The following NBL1 variants were observed in gnomAD, a reference collection of about 807,000 sequenced individuals.
The protein encoded by NBL1 is neuroblastoma suppressor of tumorigenicity 1.
Under a neutral mutation model 16.0 loss-of-function variants are expected in NBL1, and 9 were observed. The ratio of observed to expected loss-of-function variants is 0.56; its 90% confidence interval spans 0.34 to 0.98. The LOEUF (loss-of-function observed/expected upper bound fraction) is 0.98. NBL1 is among the 50% of genes least tolerant of loss of function. The pLI is 0.02. For missense variants in NBL1, 196 were observed against 243.1 expected (o/e 0.81, Z 1.29); for synonymous variants, 86 against 100.7 (o/e 0.85, Z 0.87).
rs556922424 is a variant in NBL1 at position 19,649,647 on chromosome 1, T to A, written c.-20+5201T>A. On this transcript the variant is annotated intron_variant, in intron 1 of 3. Transcript: ENST00000375136. ...TGCTGGGATTACAGGCGTGAGCCAC[T>A]GCGCCTGGCCTCCCATAGAATTATA... 3.1e-3 allele frequency among the ~76,000 whole-genome samples: 471 copies of A among 151,540 alleles called. 1 individual carries two copies. Among genetic ancestry groups the A allele is most frequent in the Non-Finnish European group, 5.5e-3 (375 of 67,874 alleles).
chr1:19,647,851 G>GT (rs2094991172), intron 1 of NBL1, among the ~76,000 whole-genome samples: 1 of 129,324 alleles, frequency 7.7e-6, no homozygotes, highest in African/African-American at 4.1e-5. Context: ...GAAAGGCCTG[G>GT]TGTGTGTGTG....
chr1:19,656,629 A>G (rs1055159996), intron 3 of NBL1, among the ~76,000 whole-genome samples: 1 of 151,958 alleles, frequency 6.6e-6, no homozygotes, highest in Non-Finnish European at 1.5e-5. Flanking sequence ...GGCAGGCCAC[A>G]CTGGTGGCTG....
intron 1 of NBL1, among the ~76,000 whole-genome samples, chr1:19,652,646 C>G (rs1348119435): frequency 6.6e-6 from 1 of 152,152 alleles, no homozygotes; most frequent in East Asian, 1.9e-4. Flanking sequence ...AGGAGCCCCA[C>G]TCAGCCAGCC....
At chr1:19,648,227 C>T (rs2094996273) in intron 1 of NBL1, among the ~76,000 whole-genome samples, 1 of 152,100 alleles carries the variant, frequency 6.6e-6, no homozygotes, top group South Asian at 2.1e-4. Context: ...CTAGGCCACT[C>T]CTGTGTATTT....
At chr1:19,651,219 C>T (rs1034137791) in intron 1 of NBL1, among the ~76,000 whole-genome samples, 45 of 152,306 alleles carry the variant, frequency 3.0e-4, no homozygotes, top group African/African-American at 1.0e-3. Flanking sequence ...CCAGGGTCCA[C>T]GCTTCCAGGG....
At chr1:19,651,131 C>G (rs765745851) in intron 1 of NBL1, among the ~76,000 whole-genome samples, 37 of 151,850 alleles carry the variant, frequency 2.4e-4, no homozygotes, top group Middle Eastern at 6.8e-3. Context: ...TTGAGAAAGG[C>G]AGTTTCTGAG....
chr1:19,655,841 A>C (rs573163840), intron 3 of NBL1, among the ~76,000 whole-genome samples: 53 of 152,174 alleles, frequency 3.5e-4, no homozygotes, highest in South Asian at 6.2e-4. Context: ...ACCTTCTTTC[A>C]GTGCCTCGCA....
rs575814344 is a variant in NBL1 at position 19,654,528 on chromosome 1, G to A, written c.-19-484G>A. On this transcript the variant is annotated intron_variant, in intron 1 of 3. Coordinates refer to ENST00000375136, the MANE Select transcript of NBL1 (RefSeq NM_005380.8). Reference sequence around the variant, plus strand: ...ATGGTGTGTGGCCAGCCCCTCCAGGGCTGTGTGGACAGCTTTTTGTGTATT... The same window carrying A: ...ATGGTGTGTGGCCAGCCCCTCCAGGACTGTGTGGACAGCTTTTTGTGTATT... Among the ~76,000 whole-genome samples the A allele has an allele frequency of 3.3e-5, 5 of 152,280 alleles. No homozygotes were observed. The South Asian group carries it at 1.0e-3, about 32-fold the overall frequency.
At chr1:19,653,695 C>A (rs1458183217) in intron 1 of NBL1, among the ~76,000 whole-genome samples, 3 of 152,258 alleles carry the variant, frequency 2.0e-5, no homozygotes, top group African/African-American at 7.2e-5. Context: ...GACCCATGCC[C>A]TTTCTCGGCT....
chr1:19,650,235 C>T (rs1394818767), intron 1 of NBL1, among the ~76,000 whole-genome samples: 2 of 152,206 alleles, frequency 1.3e-5, no homozygotes, highest in African/African-American at 4.8e-5. Context: ...ACTCTATCAC[C>T]TAATGGCACA....
Position 19,657,069 on chromosome 1 carries a change from C to T in NBL1, c.486C>T (p.Thr162=). 6.5e-7 allele frequency: 1 copy of T among 1,537,338 alleles called. No homozygotes were observed. The highest frequency in any genetic ancestry group is 2.4e-5 in the East Asian group (1 of 40,986). ...PHPHPHPGGQ[T]PEPEDPPGAP... The stretch of plus-strand genomic sequence containing the variant: ...CCCACCCCCATCCTGGCGGGCAGAC[C>T]CCTGAGCCCGAGGACCCCCCTGGGG... The change falls in exon 4 of 4, where the codon ACC becomes ACT. Residue 162 remains threonine (T), a synonymous_variant. Transcript: ENST00000375136.
chr1:19,644,565 C>G lies in NBL1; in HGVS notation c.-20+119C>G. 1 of 562,944 alleles carries G rather than the reference C, an allele frequency of 1.8e-6. No individual in the cohort carries two copies. The highest frequency in any genetic ancestry group is 2.2e-6 in the Non-Finnish European group (1 of 444,920). 34.9% of individuals were successfully genotyped at this position (562,944 alleles called of 1,614,324 possible). ...CCGGCGCGTCCGGCGGCCGCGGGCA[C>G]CGGGTGGAGGCGCCGCCGCCGAGCT... On this transcript the variant is annotated intron_variant, in intron 1 of 3. Coordinates refer to ENST00000375136, the MANE Select transcript of NBL1 (RefSeq NM_005380.8). The surrounding 1 kb of genome is among the most constrained non-coding windows in gnomAD (Gnocchi z 4.6).
At chr1:19,649,627 G>A (rs1397316587) in intron 1 of NBL1, among the ~76,000 whole-genome samples, 1 of 152,136 alleles carries the variant, frequency 6.6e-6, no homozygotes, top group East Asian at 1.9e-4. Context: ...CAAAATGCTG[G>A]GATTACAGGC....
At chr1:19,647,534 CT>C in intron 1 of NBL1, 1 of 883,518 alleles carries the variant, frequency 1.1e-6, no homozygotes. Flanking sequence ...AGACCCTGCC[CT>C]TAGTGAGTGT....
Position 19,655,173 on chromosome 1 carries a change from G to A in NBL1, c.143G>A (p.Gly48Asp), listed in dbSNP as rs1253942990. 1.2e-6 allele frequency: 2 copies of A among 1,609,120 alleles called. No homozygotes were observed. Among genetic ancestry groups the A allele is most frequent in the South Asian group, 2.2e-5 (2 of 90,328 alleles). Reference sequence around the variant, plus strand: ...ATCACCCAGATCGTGGGCCACAGCGGCTGTGAGGCCAAGTCCATCCAGAAC... The same window carrying A: ...ATCACCCAGATCGTGGGCCACAGCGACTGTGAGGCCAAGTCCATCCAGAAC... ...KNITQIVGHS[G>D]CEAKSIQNRA... The change falls in exon 2 of 4, where the codon GGC (glycine) becomes GAC (aspartate). Residue 48 changes from glycine (G) to aspartate (D), a missense_variant. Coordinates refer to ENST00000375136, the MANE Select transcript of NBL1 (RefSeq NM_005380.8).
intron 3 of NBL1, 40 bp from the exon 4 acceptor site, chr1:19,656,826 C>A: frequency 6.3e-7 from 1 of 1,579,438 alleles, no homozygotes. Flanking sequence ...TGCCCCAGAC[C>A]TTTGGGAACA....
At chr1:19,645,508 A>G in intron 1 of NBL1, 3 of 1,000,180 alleles carry the variant, frequency 3.0e-6, no homozygotes, top group Non-Finnish European at 3.6e-6. Context: ...GCCTGTAACT[A>G]GGGGCACCCC....
chr1:19,645,428 C>T (rs964813203), intron 1 of NBL1: 5 of 987,794 alleles, frequency 5.1e-6, no homozygotes, highest in Non-Finnish European at 6.0e-6. Flanking sequence ...CGGAGGTTGG[C>T]GGGCATCAAG....
At chr1:19,656,752 A>G in intron 3 of NBL1, 114 bp from the exon 4 acceptor site, 1 of 1,432,834 alleles carries the variant, frequency 7.0e-7, no homozygotes, top group Non-Finnish European at 9.2e-7. Context: ...CTAACTGGGC[A>G]TCACAGGTGG....
Sources: gnomAD v4.1 joint callset for allele counts (sites outside exome capture counted in the v4.1 genomes callset) on GRCh38, gnomAD v4.1.1 for gene constraint, Gnocchi (gnomAD v3.1) non-coding constraint, MANE v1.5 for transcripts, NCBI Gene and HGNC (gene_info 2026-07-23, HGNC 2026-07-21) for gene names.